ENPP1: variants seen among roughly 807,000 people sequenced by gnomAD.
ENPP1 encodes ectonucleotide pyrophosphatase/phosphodiesterase 1.
Under a neutral mutation model 122.8 loss-of-function variants are expected in ENPP1, and 73 were observed. The ratio of observed to expected loss-of-function variants is 0.59; its 90% CI spans 0.49 to 0.72. ENPP1 has a LOEUF of 0.72. ENPP1 is among the 30% of genes least tolerant of loss of function. The pLI is 0.00. For missense variants in ENPP1, 978 were observed against 1,128.1 expected (o/e 0.87, Z 1.91); for synonymous variants, 367 against 391.6 (o/e 0.94, Z 0.74).
chr6:131,844,704 A>G (rs942680833), intron 1 of ENPP1, among the ~76,000 whole-genome samples: 1 of 152,134 alleles, frequency 6.6e-6, no homozygotes, highest in Non-Finnish European at 1.5e-5. Flanking sequence ...GGTGCAATAG[A>G]CTCCAGATAT....
intron 1 of ENPP1, chr6:131,827,850 CA>C: frequency 7.2e-7 from 1 of 1,396,320 alleles, no homozygotes; most frequent in Non-Finnish European, 1.0e-6. Flanking sequence ...AGGACGAAAG[CA>C]AAATCTTGGA....
chr6:131,876,002 A>C, intron 17 of ENPP1, 139 bp downstream of exon 17: 2 of 714,806 alleles, frequency 2.8e-6, no homozygotes, highest in Non-Finnish European at 5.1e-6. Flanking sequence ...TGACTCTCAG[A>C]CTCACTGAAG....
intron 13 of ENPP1, among the ~76,000 whole-genome samples, chr6:131,869,896 A>G (rs903396955): frequency 6.6e-6 from 1 of 151,062 alleles, no homozygotes; most frequent in African/African-American, 2.4e-5. Flanking sequence ...CCTTTAAATC[A>G]TTATATCGCT....
chr6:131,864,571 G>T lies in ENPP1; in HGVS notation c.1091G>T (p.Arg364Ile). ...TGGCTACAGCTTCCTAAAGATGAAA[G>T]GTCTGTAGGCAATTAATTTCTATTG... ...LQWLQLPKDERPHFYTLYLEE... is the reference protein window; with the variant it reads ...LQWLQLPKDEIPHFYTLYLEE... Residue 364 changes from arginine to isoleucine, a missense_variant and splice_region_variant, in exon 10 of 25, where the codon AGA becomes ATA. By Grantham distance (97) the Arg-to-Ile change is moderately conservative (BLOSUM62 -3). This residue lies in a region of ENPP1 where 644 missense variants were observed against 781.5 expected (regional missense o/e 0.82). Transcript: ENST00000647893. 1 of 1,591,218 alleles carries T rather than the reference G, an allele frequency of 6.3e-7. No individual in the cohort carries two copies. Among genetic ancestry groups the T allele is most frequent in the Non-Finnish European group, 8.6e-7 (1 of 1,159,744 alleles).
At chr6:131,842,993 T>G (rs1418186528) in intron 1 of ENPP1, among the ~76,000 whole-genome samples, 1 of 152,212 alleles carries the variant, frequency 6.6e-6, no homozygotes, top group Non-Finnish European at 1.5e-5. Context: ...AACTTTGCTT[T>G]TACTTTCTGT....
At chr6:131,841,364 A>G (rs1479437419) in intron 1 of ENPP1, among the ~76,000 whole-genome samples, 1 of 152,226 alleles carries the variant, frequency 6.6e-6, no homozygotes. Context: ...TTGGTCAAAG[A>G]TCAGAGGACT....
chr6:131,816,754 G>C (rs1781419363), intron 1 of ENPP1, among the ~76,000 whole-genome samples: 1 of 152,160 alleles, frequency 6.6e-6, no homozygotes, highest in Admixed American at 6.5e-5. Context: ...GGTGGTAGAA[G>C]TTTAGATGGT....
At chr6:131,887,900 A>G (rs67785609) in intron 24 of ENPP1, among the ~76,000 whole-genome samples, 4,751 of 62,582 alleles carry the variant, frequency 0.076, 136 homozygotes, top group African/African-American at 0.14. Flanking sequence ...TTGCTCTGTC[A>G]CCCAGGCTGG....
intron 16 of ENPP1, 90 bp from the exon 17 acceptor site, chr6:131,875,686 T>C: frequency 1.1e-6 from 1 of 918,872 alleles, no homozygotes; most frequent in Non-Finnish European, 1.8e-6. Context: ...ATAACCAGTT[T>C]GTATATGTAC....
intron 1 of ENPP1, among the ~76,000 whole-genome samples, chr6:131,809,630 TG>T (rs1456774274): frequency 6.6e-6 from 1 of 152,222 alleles, no homozygotes; most frequent in African/African-American, 2.4e-5. Flanking sequence ...TCACTTAAAT[TG>T]TTTAGTATTA....
chr6:131,819,849 A>T, intron 1 of ENPP1: 1 of 439,536 alleles, frequency 2.3e-6, no homozygotes, highest in Non-Finnish European at 4.4e-6. Context: ...GGGGCCACGC[A>T]AATGATTGAT....
In ENPP1 at chr6:131,877,165, A is replaced by T. The variant is rs1240343587; in HGVS notation, c.1893+4A>T. 1.9e-6 allele frequency: 3 copies of T among 1,612,852 alleles called. No individual in the cohort carries two copies. The East Asian group carries it at 6.7e-5, about 36-fold the overall frequency. ...TGGCTGCTCATGTAACCCTTCGGTA[A>T]GTATCGTCAAGAAGTTTGGTCCAGT... On this transcript the variant is annotated splice_donor_region_variant and intron_variant, in intron 18 of 24. Coordinates refer to ENST00000647893, the MANE Select transcript of ENPP1 (RefSeq NM_006208.3).
chr6:131,831,904 TTA>T (rs780815006), intron 1 of ENPP1, among the ~76,000 whole-genome samples: 35 of 152,202 alleles, frequency 2.3e-4, no homozygotes, highest in Non-Finnish European at 4.4e-4. Context: ...TCTGCATAAA[TTA>T]TTTGGAATTC....
chr6:131,894,191 T>C lies in ENPP1; in HGVS notation c.*3680T>C, dbSNP rs1782513155. ...GGATGGTCTCGATCTCCTGACCTTGTGATCTGCCCGCCTCGGCCTCCCAAA... is the reference window on the plus strand; with the variant it reads ...GGATGGTCTCGATCTCCTGACCTTGCGATCTGCCCGCCTCGGCCTCCCAAA... On this transcript the variant is annotated 3_prime_UTR_variant, in exon 25 of 25. Transcript: ENST00000647893. 5.9e-5 allele frequency: 9 copies of C among 152,562 alleles called. No homozygotes were observed. The South Asian group carries it at 1.9e-3, about 32-fold the overall frequency. The allele number at this position is 152,562 out of a possible 1,614,324, so 9.5% of individuals were successfully genotyped here.
chr6:131,834,648 A>G (rs1781651867), intron 1 of ENPP1, among the ~76,000 whole-genome samples: 1 of 150,442 alleles, frequency 6.6e-6, no homozygotes, highest in Non-Finnish European at 1.5e-5. Context: ...CTCCTGCCTT[A>G]GGCCCCTGAG....
At chr6:131,836,694 T>TA (rs1781679184) in intron 1 of ENPP1, among the ~76,000 whole-genome samples, 1 of 152,154 alleles carries the variant, frequency 6.6e-6, no homozygotes, top group South Asian at 2.1e-4. Context: ...ATCATTATTG[T>TA]AAAAAAATGG....
chr6:131,830,765 T>C (rs1297198381), intron 1 of ENPP1, among the ~76,000 whole-genome samples: 2 of 151,984 alleles, frequency 1.3e-5, no homozygotes, highest in African/African-American at 2.4e-5. Flanking sequence ...GAATCATTTC[T>C]CAGTTATATA....
chr6:131,824,817 T>C (rs1195807994), intron 1 of ENPP1, among the ~76,000 whole-genome samples: 1 of 151,940 alleles, frequency 6.6e-6, no homozygotes, highest in Non-Finnish European at 1.5e-5. Context: ...TCCCAGCACT[T>C]TGGGAGGCTG....
In ENPP1 at chr6:131,878,697, T is replaced by G. The variant is rs1782266190; in HGVS notation, c.1945+104T>G. 3 of 864,712 alleles carry G rather than the reference T, an allele frequency of 3.5e-6. No individual in the cohort carries two copies. In the East Asian group the frequency reaches 7.6e-5, roughly 22 times the overall value. The allele number at this position is 864,712 out of a possible 1,614,324, so 53.6% of individuals were successfully genotyped here. A position where few individuals can be genotyped will look rare whatever the true frequency, so the allele number is the denominator to read the frequency against. ...GGGGGTATTATTTGAGAATAACCAA[T>G]AAAATAAAGGGAGTTCTGGAGGACC... On this transcript the variant is annotated intron_variant, in intron 19 of 24. Transcript: ENST00000647893.
Sources: allele counts gnomAD v4.1 joint callset (sites outside exome capture counted in the v4.1 genomes callset), GRCh38; gene constraint gnomAD v4.1.1; regional missense constraint gnomAD v4.1.1; transcripts MANE v1.5; gene names NCBI Gene and HGNC (gene_info 2026-07-23, HGNC 2026-07-21).